Variants in EPB41L3 observed in about 807,000 individuals in gnomAD.
The protein encoded by EPB41L3 is erythrocyte membrane protein band 4.1 like 3.
A neutral mutation model predicts 127.1 loss-of-function variants in EPB41L3; 57 were observed. The observed-to-expected ratio is 0.45, with a 90% confidence interval of 0.36 to 0.56. The LOEUF (loss-of-function observed/expected upper bound fraction) is 0.56, where lower values mean the gene tolerates loss of function less well. Among genes scored for constraint, EPB41L3 ranks in the 20% least tolerant of loss-of-function variants. EPB41L3 has a pLI of 0.00. For missense variants in EPB41L3, 1,273 were observed against 1,372.2 expected (o/e 0.93, Z 1.14); for synonymous variants, 572 against 549.5 (o/e 1.04, Z -0.57).
At chr18:5,558,327 G>T (rs1286978937) in intron 3 of EPB41L3, among the ~76,000 whole-genome samples, 1 of 152,168 alleles carries the variant, frequency 6.6e-6, no homozygotes, top group East Asian at 1.9e-4. Flanking sequence ...CAGATATGAG[G>T]ACTTATTGGA....
At chr18:5,560,201 T>G (rs2094104326) in intron 3 of EPB41L3, among the ~76,000 whole-genome samples, 1 of 152,310 alleles carries the variant, frequency 6.6e-6, no homozygotes, top group Admixed American at 6.5e-5. Context: ...AAGGATGATA[T>G]AAAAATGGAA....
At chr18:5,486,216 G>T (rs1285978787) in intron 2 of EPB41L3, among the ~76,000 whole-genome samples, 1 of 151,980 alleles carries the variant, frequency 6.6e-6, no homozygotes, top group Non-Finnish European at 1.5e-5. Context: ...TTTGACAAAG[G>T]TGCCAAGAAC....
At chr18:5,485,123 A>G (rs1048922778) in intron 2 of EPB41L3, among the ~76,000 whole-genome samples, 1 of 152,056 alleles carries the variant, frequency 6.6e-6, no homozygotes, top group Non-Finnish European at 1.5e-5. Context: ...ACAATACATT[A>G]AAAAGGGGAC....
intron 16 of EPB41L3, chr18:5,400,098 C>G (rs1311739970): frequency 6.4e-6 from 1 of 157,030 alleles, no homozygotes; most frequent in East Asian, 1.9e-4. Flanking sequence ...CCATCTCAGC[C>G]TCCCCAGGAG....
At chr18:5,428,048 C>A (rs1454058551) in intron 9 of EPB41L3, among the ~76,000 whole-genome samples, 1 of 152,178 alleles carries the variant, frequency 6.6e-6, no homozygotes, top group Admixed American at 6.5e-5. Flanking sequence ...AGCCACCGCA[C>A]CCGGCCGAGA....
chr18:5,502,485 G>A (rs956078884), intron 1 of EPB41L3, among the ~76,000 whole-genome samples: 16 of 152,004 alleles, frequency 1.1e-4, no homozygotes, highest in African/African-American at 1.7e-4. Flanking sequence ...CCTTTAGCTC[G>A]TCTATTTAAA....
chr18:5,606,812 T>G (rs1248940616), intron 3 of EPB41L3, among the ~76,000 whole-genome samples: 4 of 151,796 alleles, frequency 2.6e-5, no homozygotes, highest in Admixed American at 6.6e-5. Flanking sequence ...CAGAAACCAT[T>G]AGGAAATGGG....
chr18:5,532,013 G>A (rs72868434), intron 1 of EPB41L3, among the ~76,000 whole-genome samples: 11,748 of 152,278 alleles, frequency 0.077, 638 homozygotes, highest in Non-Finnish European at 0.11. Flanking sequence ...ACTAGGGCCT[G>A]CCGTGTGTGA....
intron 1 of EPB41L3, among the ~76,000 whole-genome samples, chr18:5,498,841 T>A (rs1182528280): frequency 6.6e-6 from 1 of 152,096 alleles, no homozygotes; most frequent in Non-Finnish European, 1.5e-5. Flanking sequence ...TAACCGTAAA[T>A]CACCCTTTGT....
intron 3 of EPB41L3, among the ~76,000 whole-genome samples, chr18:5,599,769 T>C (rs932964751): frequency 1.2e-4 from 19 of 152,168 alleles, no homozygotes; most frequent in Non-Finnish European, 1.5e-5. Flanking sequence ...ATGCTTCCTG[T>C]ACAGCCTGCA....
Position 5,419,742 on chromosome 18 carries a change from G to C in EPB41L3, c.1475C>G (p.Thr492Arg), listed in dbSNP as rs142122200. ...EDKRRKGEEV[T>R]PISAIRHEGK... is the part of the protein sequence containing the mutation. ...CTCGTGCCGGATGGCCGAGATGGGC[G>C]TGACTTCTTCCCCCTTCCTCCGTTT... The change falls in exon 12 of 23, where the codon ACG becomes AGG. Residue 492 changes from threonine to arginine, a missense_variant. Around this residue, in one of 3 missense-constraint regions of EPB41L3, gnomAD observed 765 missense variants for 782.9 expected, o/e 0.98. Coordinates refer to ENST00000341928, the MANE Select transcript of EPB41L3 (RefSeq NM_012307.5). 1.2e-6 allele frequency: 2 copies of C among 1,614,190 alleles called. No homozygotes were observed. Among genetic ancestry groups the C allele is most frequent in the South Asian group, 2.2e-5 (2 of 91,080 alleles).
chr18:5,630,255 C>A (rs936760056), upstream of EPB41L3: 1 of 417,508 alleles, frequency 2.4e-6, no homozygotes, highest in African/African-American at 2.1e-5. Context: ...CTCGCCCCTT[C>A]CTCGCTTTCT....
intron 3 of EPB41L3, among the ~76,000 whole-genome samples, chr18:5,469,717 C>T (rs879464816): frequency 5.9e-5 from 9 of 152,118 alleles, no homozygotes; most frequent in Non-Finnish European, 1.2e-4. Flanking sequence ...AAACACAAGT[C>T]CACGCTGGAG....
chr18:5,624,276 T>G (rs969535485), intron 1 of EPB41L3, among the ~76,000 whole-genome samples: 1 of 152,212 alleles, frequency 6.6e-6, no homozygotes, highest in African/African-American at 2.4e-5. Context: ...ATTACAGGTG[T>G]GAGCCACGGT....
chr18:5,513,214 A>G lies in EPB41L3; in HGVS notation c.-11-24020T>C, dbSNP rs1200780839. 3.9e-5 allele frequency among the ~76,000 whole-genome samples: 6 copies of G among 152,182 alleles called. No individual in the cohort carries two copies. The East Asian group carries it at 1.2e-3, about 29-fold the overall frequency. On this transcript the variant is annotated intron_variant, in intron 1 of 22. Transcript: ENST00000341928. ...TCTTGCCAAACAACAGTGCACACAT[A>G]GCTCATGCAAGAAGTGAATTTGCTC... is the stretch of plus-strand genomic sequence containing the variant.
chr18:5,531,960 G>T (rs187568001), intron 1 of EPB41L3, among the ~76,000 whole-genome samples: 1 of 152,218 alleles, frequency 6.6e-6, no homozygotes, highest in Non-Finnish European at 1.5e-5. Context: ...CAAGGTACAA[G>T]AAAAAAGAGT....
intron 1 of EPB41L3, among the ~76,000 whole-genome samples, chr18:5,526,312 G>C (rs564562169): frequency 8.5e-5 from 13 of 152,308 alleles, no homozygotes; most frequent in Non-Finnish European, 1.9e-4. Flanking sequence ...TAGTTCACAA[G>C]AAATGATGAT....
At chr18:5,461,537 A>G (rs2084005123) in intron 3 of EPB41L3, among the ~76,000 whole-genome samples, 1 of 152,212 alleles carries the variant, frequency 6.6e-6, no homozygotes, top group Non-Finnish European at 1.5e-5. Flanking sequence ...TTGTTTATTG[A>G]CAAGAAGAAA....
chr18:5,625,517 AT>A (rs1383986759), intron 1 of EPB41L3, among the ~76,000 whole-genome samples: 2 of 152,204 alleles, frequency 1.3e-5, no homozygotes, highest in Non-Finnish European at 2.9e-5. Context: ...GATGAATGAA[AT>A]TTTTAAACAT....
Sources: gnomAD v4.1 joint callset for allele counts (sites outside exome capture counted in the v4.1 genomes callset) on GRCh38, gnomAD v4.1.1 for gene constraint, gnomAD v4.1.1 regional missense constraint, MANE v1.5 for transcripts, NCBI Gene and HGNC (gene_info 2026-07-23, HGNC 2026-07-21) for gene names.